Variants in SESN1 observed in about 807,000 individuals in gnomAD.
SESN1 encodes the protein sestrin 1.
In SESN1, 30 loss-of-function variants were observed where a neutral mutation model predicts 59.3. The observed-to-expected ratio is 0.51, with a 90% confidence interval of 0.38 to 0.69. The LOEUF is 0.69. Among genes scored for constraint, SESN1 ranks in the 30% least tolerant of loss-of-function variants. The probability of loss-of-function intolerance (pLI) is 0.00; values close to 1 mark genes in which losing one functional copy is unlikely to be tolerated. For synonymous variants in SESN1, 197 were observed against 219.9 expected, an observed-to-expected ratio of 0.90 and a Z score of 0.92; for missense variants, 566 against 673.0, an observed-to-expected ratio of 0.84 and a Z score of 1.76.
intron 1 of SESN1, among the ~76,000 whole-genome samples, chr6:109,057,199 G>A (rs1780645809): frequency 6.6e-6 from 1 of 152,284 alleles, no homozygotes; most frequent in African/African-American, 2.4e-5. Flanking sequence ...AGCCATTCCT[G>A]AATTTTCAAC....
intron 1 of SESN1, among the ~76,000 whole-genome samples, chr6:109,007,165 A>C (rs1779749978): frequency 1.3e-5 from 2 of 152,216 alleles, no homozygotes; most frequent in African/African-American, 4.8e-5. Flanking sequence ...GTATAATGCA[A>C]AACACTAATT....
At chr6:109,030,061 G>A (rs904670940) in intron 1 of SESN1, among the ~76,000 whole-genome samples, 1 of 152,114 alleles carries the variant, frequency 6.6e-6, no homozygotes, top group Non-Finnish European at 1.5e-5. Flanking sequence ...AAATAAAATA[G>A]CCTTTTAACT....
chr6:108,990,563 C>CTATG, intron 8 of SESN1, 82 bp downstream of exon 8: 1 of 1,218,652 alleles, frequency 8.2e-7, no homozygotes, highest in East Asian at 2.3e-5. Context: ...ATGTGTGTGT[C>CTATG]TATGTGCATG....
chr6:109,041,449 A>G (rs143592531), intron 1 of SESN1, among the ~76,000 whole-genome samples: 1 of 152,350 alleles, frequency 6.6e-6, no homozygotes, highest in East Asian at 1.9e-4. Flanking sequence ...ACAAGTAACT[A>G]TTAAGCCAAA....
intron 1 of SESN1, among the ~76,000 whole-genome samples, chr6:109,045,036 G>A (rs1347418651): frequency 1.3e-5 from 2 of 150,986 alleles, no homozygotes; most frequent in Non-Finnish European, 3.0e-5. Flanking sequence ...AAAAAAAAAA[G>A]CTGAACTCAT....
At chr6:109,084,708 T>C (rs1225799464) in intron 1 of SESN1, among the ~76,000 whole-genome samples, 3 of 152,240 alleles carry the variant, frequency 2.0e-5, no homozygotes, top group Non-Finnish European at 4.4e-5. Context: ...AATATTTATG[T>C]AAAATATAAA....
At chr6:109,009,459 A>C in intron 1 of SESN1, 8 of 1,305,650 alleles carry the variant, frequency 6.1e-6, no homozygotes, top group Non-Finnish European at 7.8e-6. Context: ...GGCCAAGCGC[A>C]TGTCGGCGCG....
chr6:109,052,727 G>A (rs1306126233), intron 1 of SESN1, among the ~76,000 whole-genome samples: 1 of 152,120 alleles, frequency 6.6e-6, no homozygotes, highest in African/African-American at 2.4e-5. Flanking sequence ...TGATTTATAG[G>A]CTTAAAGGCA....
intron 4 of SESN1, chr6:109,000,217 T>C: frequency 4.0e-6 from 1 of 248,380 alleles, no homozygotes; most frequent in Non-Finnish European, 7.6e-6. Flanking sequence ...GATATTGTAA[T>C]GGATGCGTGA....
At chr6:109,032,629 G>C (rs1329018823) in intron 1 of SESN1, among the ~76,000 whole-genome samples, 1 of 151,486 alleles carries the variant, frequency 6.6e-6, no homozygotes, top group South Asian at 2.1e-4. Context: ...TGGGGGGAGT[G>C]GGGGGGAAGA....
chr6:109,008,511 A>G (rs935291765), intron 1 of SESN1, among the ~76,000 whole-genome samples: 3 of 152,250 alleles, frequency 2.0e-5, no homozygotes, highest in Non-Finnish European at 4.4e-5. Flanking sequence ...ATGAATATAC[A>G]TAGTATACTG....
At chr6:109,033,376 C>A (rs986451789) in intron 1 of SESN1, among the ~76,000 whole-genome samples, 1 of 152,180 alleles carries the variant, frequency 6.6e-6, no homozygotes, top group Non-Finnish European at 1.5e-5. Context: ...TTGCTTCTTT[C>A]TAACTTTATA....
intron 1 of SESN1, chr6:109,009,349 G>C: frequency 6.8e-7 from 1 of 1,468,916 alleles, no homozygotes; most frequent in South Asian, 1.3e-5. Flanking sequence ...TCAGCCCCTC[G>C]CCCAGGTACC....
At chr6:109,041,741 AT>A (rs1780346318) in intron 1 of SESN1, among the ~76,000 whole-genome samples, 1 of 152,210 alleles carries the variant, frequency 6.6e-6, no homozygotes. Flanking sequence ...AAACAAATCC[AT>A]AATTATAGCA....
chr6:109,047,009 T>G, intron 1 of SESN1, among the ~76,000 whole-genome samples: 1 of 46,194 alleles, frequency 2.2e-5, no homozygotes, highest in East Asian at 6.0e-4. Flanking sequence ...GTCAGCCCCC[T>G]GCCCGGCCAG....
chr6:109,080,187 G>A (rs1208051446), intron 1 of SESN1, among the ~76,000 whole-genome samples: 1 of 152,100 alleles, frequency 6.6e-6, no homozygotes. Flanking sequence ...CACTGCAAAC[G>A]TTAGGGTCTA....
At chr6:109,037,030 G>A (rs969729416) in intron 1 of SESN1, among the ~76,000 whole-genome samples, 1 of 152,008 alleles carries the variant, frequency 6.6e-6, no homozygotes, top group Non-Finnish European at 1.5e-5. Context: ...CAGGGCCCCC[G>A]CCCATAATGT....
chr6:109,049,169 T>C (rs576666715), intron 1 of SESN1, among the ~76,000 whole-genome samples: 1 of 152,280 alleles, frequency 6.6e-6, no homozygotes, highest in Admixed American at 6.5e-5. Context: ...TAAAATGTGT[T>C]ATATACACAC....
chr6:109,074,110 C>CT (rs913846100), intron 1 of SESN1, among the ~76,000 whole-genome samples: 2 of 152,184 alleles, frequency 1.3e-5, no homozygotes, highest in African/African-American at 4.8e-5. Flanking sequence ...ATTGCCTATT[C>CT]ATTACAGTAA....
Sources: allele counts gnomAD v4.1 joint callset (sites outside exome capture counted in the v4.1 genomes callset), GRCh38; gene constraint gnomAD v4.1.1; transcripts MANE v1.5; gene names NCBI Gene and HGNC (gene_info 2026-07-23, HGNC 2026-07-21).